GPR157: variants seen among roughly 807,000 people sequenced by gnomAD.
The protein encoded by GPR157 is G protein-coupled receptor 157, also known as G-protein coupled receptor 157.
GPR157 carries 16 observed loss-of-function variants against 23.5 expected under a neutral mutation model. The observed-to-expected ratio is 0.68, with a 90% CI of 0.46 to 1.04. The LOEUF (loss-of-function observed/expected upper bound fraction) is 1.04. Ranked by LOEUF, GPR157 falls within the 50% of genes least tolerant of loss-of-function variation. The pLI is 0.00. For missense variants in GPR157, 440 were observed against 460.7 expected (o/e 0.96, Z 0.41); for synonymous variants, 200 against 221.5 (o/e 0.90, Z 0.86).
At chr1:9,123,732 A>ATATATATTTAATAT (rs1469406743) in intron 1 of GPR157, among the ~76,000 whole-genome samples, 2 of 123,170 alleles carry the variant, frequency 1.6e-5, no homozygotes, top group Non-Finnish European at 3.3e-5. Context: ...ATAATTTTAA[A>ATATATATTTAATAT]TATATATTTA....
At chr1:9,115,990 G>T (rs538028545) in intron 1 of GPR157, among the ~76,000 whole-genome samples, 2 of 146,348 alleles carry the variant, frequency 1.4e-5, no homozygotes, top group African/African-American at 2.5e-5. Flanking sequence ...AAACTTTGCT[G>T]ATCTCTGCTC....
In GPR157 at chr1:9,117,645, C is replaced by T. The variant is rs1026292820; in HGVS notation, c.384-6156G>A. Among the ~76,000 whole-genome samples the T allele has an allele frequency of 2.6e-5, 4 of 152,182 alleles. No individual in the cohort carries two copies. The East Asian group carries it at 7.7e-4, about 29-fold the overall frequency. On this transcript the variant is annotated intron_variant, in intron 1 of 3. Coordinates refer to ENST00000377411, the MANE Select transcript of GPR157 (RefSeq NM_024980.5). ...GACGTGGTGGTGGGCACCTGTAATC[C>T]CAGCTACTGGGGAGGCTGAGGCAGG...
Position 9,105,006 on chromosome 1 carries a change from C to CA in GPR157, c.793-373_793-372insT, listed in dbSNP as rs1375943996. 6.9e-6 allele frequency among the ~76,000 whole-genome samples: 1 copy of CA among 145,496 alleles called. No homozygotes were observed. Among genetic ancestry groups the CA allele is most frequent in the Admixed American group, 6.9e-5 (1 of 14,550 alleles). ...CAAAGCCAGACTCTGTCCCCGCACC[C>CA]CCCCCCAAAAAAGAGAAATGGCTGA... On this transcript the variant is annotated intron_variant, in intron 3 of 3. Transcript: ENST00000377411. The surrounding 1 kb of genome is among the most constrained non-coding windows in gnomAD (Gnocchi z 4.8).
chr1:9,128,895 G>C lies in GPR157; in HGVS notation c.133C>G (p.Arg45Gly), dbSNP rs768651092. 16 of 1,553,486 alleles carry C rather than the reference G, an allele frequency of 1.0e-5. No individual in the cohort carries two copies. Among genetic ancestry groups the C allele is most frequent in the Non-Finnish European group, 1.4e-5 (16 of 1,151,204 alleles). ...THALWPDLRS[R>G]ARRLLLFLSL... ...AGGAAGAGCAGCAGGCGCCGTGCCCGGCTGCGCAGGTCGGGCCACAGGGCG... is the reference window on the plus strand; with the variant it reads ...AGGAAGAGCAGCAGGCGCCGTGCCCCGCTGCGCAGGTCGGGCCACAGGGCG... Residue 45 changes from arginine to glycine, a missense_variant, in exon 1 of 4, where the codon CGG becomes GGG. Arg to Gly is a moderately radical substitution (Grantham distance 125, BLOSUM62 -2). Transcript: ENST00000377411. The surrounding 1 kb of genome is among the most constrained non-coding windows in gnomAD (Gnocchi z 6.3).
intron 2 of GPR157, among the ~76,000 whole-genome samples, chr1:9,109,500 C>A (rs546743270): frequency 1.3e-5 from 2 of 152,286 alleles, no homozygotes; most frequent in South Asian, 2.1e-4. Flanking sequence ...TCAAGTGATT[C>A]TCCTGCTTCA....
chr1:9,121,746 G>A (rs1304789836), intron 1 of GPR157, among the ~76,000 whole-genome samples: 2 of 152,182 alleles, frequency 1.3e-5, no homozygotes, highest in Admixed American at 1.3e-4. Flanking sequence ...CCCCAGAGCA[G>A]GGTTTTTATG....
At chr1:9,127,969 C>G (rs1189553086) in intron 1 of GPR157, among the ~76,000 whole-genome samples, 1 of 152,100 alleles carries the variant, frequency 6.6e-6, no homozygotes, top group Non-Finnish European at 1.5e-5. Context: ...TGGCTTTTCC[C>G]CACTCTCAGA....
Position 9,118,197 on chromosome 1 carries a change from T to G in GPR157, c.384-6708A>C, listed in dbSNP as rs1327575483. Among the ~76,000 whole-genome samples the G allele has an allele frequency of 6.6e-6, 1 of 151,938 alleles. No individual in the cohort carries two copies. Among genetic ancestry groups the G allele is most frequent in the Non-Finnish European group, 1.5e-5 (1 of 67,984 alleles). On this transcript the variant is annotated intron_variant, in intron 1 of 3. Coordinates refer to ENST00000377411, the MANE Select transcript of GPR157 (RefSeq NM_024980.5). This position sits in a 1 kb window ranked among gnomAD's most constrained non-coding sequence, Gnocchi z 4.6. ...TGAAGAGGACCTGGTGGTGGAGAAGTGGTTAGATGCCGGAGGAATGGGCGG... is the reference window on the plus strand; with the variant it reads ...TGAAGAGGACCTGGTGGTGGAGAAGGGGTTAGATGCCGGAGGAATGGGCGG...
intron 2 of GPR157, among the ~76,000 whole-genome samples, chr1:9,110,196 A>G (rs1364608154): frequency 2.0e-5 from 3 of 152,184 alleles, no homozygotes; most frequent in Admixed American, 2.0e-4. Flanking sequence ...CATGCTATAC[A>G]GCACTCTGGT....
chr1:9,116,209 T>TA (rs1638644410), intron 1 of GPR157, among the ~76,000 whole-genome samples: 8 of 38 alleles, frequency 0.21, no homozygotes, highest in Non-Finnish European at 0.33. Context: ...ATATATATAA[T>TA]TATATATATA....
intron 1 of GPR157, among the ~76,000 whole-genome samples, chr1:9,112,465 T>C (rs749745455): frequency 1.3e-5 from 2 of 152,196 alleles, no homozygotes; most frequent in Non-Finnish European, 2.9e-5. Context: ...TCAGTTTTCT[T>C]TTTTTGAGAC....
intron 1 of GPR157, among the ~76,000 whole-genome samples, chr1:9,123,322 T>TTA (rs1371756844): frequency 4.2e-5 from 1 of 24,034 alleles, no homozygotes; most frequent in South Asian, 9.5e-4. Flanking sequence ...TATATTAAAA[T>TTA]ATATATATTT....
intron 1 of GPR157, among the ~76,000 whole-genome samples, chr1:9,119,313 G>A (rs1339542231): frequency 6.6e-6 from 1 of 152,090 alleles, no homozygotes; most frequent in Non-Finnish European, 1.5e-5. Flanking sequence ...GATTACAGAC[G>A]TGAACCACAA....
chr1:9,108,915 A>G (rs1638413637), intron 2 of GPR157, among the ~76,000 whole-genome samples: 1 of 152,020 alleles, frequency 6.6e-6, no homozygotes, highest in South Asian at 2.1e-4. Flanking sequence ...CCTCCTGAGT[A>G]GCTGGGACTA....
At chr1:9,122,225 A>T (rs1479237713) in intron 1 of GPR157, among the ~76,000 whole-genome samples, 1 of 152,206 alleles carries the variant, frequency 6.6e-6, no homozygotes, top group Non-Finnish European at 1.5e-5. Context: ...ACTCAGGCAC[A>T]CCACATGAAA....
rs970399637 is a variant in GPR157, at chr1:9,124,469, C to T, written c.383+4176G>A. Among the ~76,000 whole-genome samples the T allele has an allele frequency of 3.9e-5, 6 of 152,162 alleles. No individual in the cohort carries two copies. In the East Asian group the frequency reaches 1.2e-3, roughly 29 times the overall value. On this transcript the variant is annotated intron_variant, in intron 1 of 3. Coordinates refer to ENST00000377411, the MANE Select transcript of GPR157 (RefSeq NM_024980.5). Reference sequence around the variant, plus strand: ...GGTTTCACATCACCAAGATTCCTATCCCAGAAAAGCAGATGTTCATAGCTC... The same window carrying T: ...GGTTTCACATCACCAAGATTCCTATTCCAGAAAAGCAGATGTTCATAGCTC...
chr1:9,128,361 C>G lies in GPR157; in HGVS notation c.383+284G>C. ...AAGGGGCTCAGAGTGTCCTCCCCAGCCCCGTCCAAGGAAACAGGGCCCGGC... is the reference window on the plus strand; with the variant it reads ...AAGGGGCTCAGAGTGTCCTCCCCAGGCCCGTCCAAGGAAACAGGGCCCGGC... On this transcript the variant is annotated intron_variant, in intron 1 of 3. Transcript: ENST00000377411. The surrounding 1 kb of genome is among the most constrained non-coding windows in gnomAD (Gnocchi z 6.3). 1 of 667,396 alleles carries G rather than the reference C, an allele frequency of 1.5e-6. No homozygotes were observed. Among genetic ancestry groups the G allele is most frequent in the Non-Finnish European group, 2.8e-6 (1 of 362,572 alleles). 41.3% of individuals were successfully genotyped at this position (667,396 alleles called of 1,614,324 possible). A position where few individuals can be genotyped will look rare whatever the true frequency, so the allele number is the denominator to read the frequency against.
intron 1 of GPR157, among the ~76,000 whole-genome samples, chr1:9,123,797 T>A (rs190652489): frequency 7.7e-6 from 1 of 130,340 alleles, no homozygotes; most frequent in Non-Finnish European, 1.6e-5. Context: ...TTTAATATTA[T>A]ATATATATAA....
chr1:9,123,217 T>TATA (rs1638841516), intron 1 of GPR157, among the ~76,000 whole-genome samples: 1 of 126,918 alleles, frequency 7.9e-6, no homozygotes, highest in African/African-American at 3.0e-5. Flanking sequence ...TATATATTTA[T>TATA]TAAAATATAT....
Sources: allele counts gnomAD v4.1 joint callset (sites outside exome capture counted in the v4.1 genomes callset), GRCh38; gene constraint gnomAD v4.1.1; non-coding constraint Gnocchi (gnomAD v3.1); transcripts MANE v1.5; gene names NCBI Gene and HGNC (gene_info 2026-07-23, HGNC 2026-07-21).